Variants in UVRAG observed in about 807,000 individuals in gnomAD.
UVRAG encodes UV radiation resistance-associated gene protein.
Under a neutral mutation model 78.0 loss-of-function variants are expected in UVRAG, and 19 were observed. The observed-to-expected ratio is 0.24, with a 90% CI of 0.17 to 0.36. The LOEUF (loss-of-function observed/expected upper bound fraction) is 0.36. UVRAG is among the 10% of genes least tolerant of loss of function. The pLI is 1.00. For missense variants in UVRAG, 740 were observed against 853.8 expected, an observed-to-expected ratio of 0.87 and a Z score of 1.66; for synonymous variants, 323 against 324.6, an observed-to-expected ratio of 1.00 and a Z score of 0.05.
At chr11:75,853,265 T>TA (rs1946200374) in intron 2 of UVRAG, among the ~76,000 whole-genome samples, 1 of 152,170 alleles carries the variant, frequency 6.6e-6, no homozygotes, top group Admixed American at 6.5e-5. Context: ...CAACTTTTTT[T>TA]AATGTCAATT....
chr11:76,076,854 C>G (rs1951413622), intron 13 of UVRAG, among the ~76,000 whole-genome samples: 1 of 144,208 alleles, frequency 6.9e-6, no homozygotes, highest in South Asian at 2.2e-4. Flanking sequence ...TGACAAGACC[C>G]CATAATAAAA....
intron 3 of UVRAG, among the ~76,000 whole-genome samples, chr11:75,868,214 G>A (rs1254586201): frequency 6.6e-6 from 1 of 152,206 alleles, no homozygotes; most frequent in Admixed American, 6.5e-5. Context: ...GAGGGAACAA[G>A]CTATATAGCT....
chr11:75,878,349 C>A (rs971573079), intron 3 of UVRAG: 1 of 174,290 alleles, frequency 5.7e-6, no homozygotes. Flanking sequence ...GGATGGCGGC[C>A]GGGCAGAGAC....
chr11:75,888,342 C>G (rs538735145), intron 4 of UVRAG, among the ~76,000 whole-genome samples: 142 of 152,184 alleles, frequency 9.3e-4, no homozygotes, highest in Non-Finnish European at 1.7e-3. Flanking sequence ...AGAGGTCTTG[C>G]TATGTTGCCC....
At chr11:76,021,558 TTG>T (rs2135380766) in intron 12 of UVRAG, among the ~76,000 whole-genome samples, 1 of 152,226 alleles carries the variant, frequency 6.6e-6, no homozygotes, top group South Asian at 2.1e-4. Flanking sequence ...TCTGCTAGCT[TTG>T]TGTTTTATTT....
chr11:76,010,209 G>A (rs979548235), intron 11 of UVRAG, among the ~76,000 whole-genome samples: 6 of 152,018 alleles, frequency 3.9e-5, no homozygotes, highest in African/African-American at 4.8e-5. Flanking sequence ...CTTTTGTCCC[G>A]TACCAGTTTC....
chr11:75,989,669 C>T (rs1488689681), intron 8 of UVRAG, among the ~76,000 whole-genome samples: 1 of 152,180 alleles, frequency 6.6e-6, no homozygotes, highest in African/African-American at 2.4e-5. Context: ...TCTTTTGGTT[C>T]TTCAAAGACA....
At chr11:75,981,223 C>T (rs964665985) in intron 7 of UVRAG, among the ~76,000 whole-genome samples, 7 of 151,784 alleles carry the variant, frequency 4.6e-5, no homozygotes, top group East Asian at 3.9e-4. Context: ...GCGATTTTTC[C>T]GCCTCAGCCT....
chr11:75,842,147 C>T (rs1207220574), intron 1 of UVRAG, among the ~76,000 whole-genome samples: 1 of 152,174 alleles, frequency 6.6e-6, no homozygotes, highest in Non-Finnish European at 1.5e-5. Context: ...AGCCATGTCA[C>T]CTTTCATGAT....
At chr11:75,869,427 TTTCAG>T (rs1946601227) in intron 3 of UVRAG, among the ~76,000 whole-genome samples, 3 of 152,236 alleles carry the variant, frequency 2.0e-5, no homozygotes, top group African/African-American at 7.2e-5. Flanking sequence ...CAACTTTATG[TTTCAG>T]TTGAATTATG....
At chr11:76,021,587 T>G (rs1950247523) in intron 12 of UVRAG, among the ~76,000 whole-genome samples, 2 of 152,338 alleles carry the variant, frequency 1.3e-5, no homozygotes, top group South Asian at 4.1e-4. Flanking sequence ...TTCTCTAGTT[T>G]CTTAAAGATG....
chr11:75,828,470 G>A (rs1945567386), intron 1 of UVRAG, among the ~76,000 whole-genome samples: 1 of 147,354 alleles, frequency 6.8e-6, no homozygotes, highest in Admixed American at 6.8e-5. Flanking sequence ...AAAGACACCA[G>A]TCTGATGATG....
Position 75,894,005 on chromosome 11 carries a change from T to C in UVRAG, c.507+5102T>C, listed in dbSNP as rs1383688900. Among the ~76,000 whole-genome samples, 3 of 152,166 alleles carry C rather than the reference T, an allele frequency of 2.0e-5. No homozygotes were observed. In the East Asian group the frequency reaches 5.8e-4, roughly 29 times the overall value. On this transcript the variant is annotated intron_variant, in intron 5 of 14. Transcript: ENST00000356136. ...CTACCCACAGACCCTTTACCCATGC[T>C]GAATGATGCACATAGAAGATGATAC...
At chr11:76,021,981 G>A (rs537161466) in intron 12 of UVRAG, among the ~76,000 whole-genome samples, 1 of 152,276 alleles carries the variant, frequency 6.6e-6, no homozygotes, top group East Asian at 1.9e-4. Flanking sequence ...TTAAGCCCAG[G>A]AGGCGAAGGC....
chr11:75,901,081 G>GT (rs946791349), intron 5 of UVRAG, among the ~76,000 whole-genome samples: 1 of 152,140 alleles, frequency 6.6e-6, no homozygotes, highest in African/African-American at 2.4e-5. Flanking sequence ...TACGTACACA[G>GT]TTTTATTCGG....
intron 2 of UVRAG, among the ~76,000 whole-genome samples, chr11:75,852,833 G>A (rs1389743674): frequency 6.6e-6 from 1 of 152,156 alleles, no homozygotes; most frequent in Non-Finnish European, 1.5e-5. Context: ...AACAAAAGGT[G>A]ACATCATTTT....
chr11:76,070,588 T>G (rs1277592404), intron 13 of UVRAG, among the ~76,000 whole-genome samples: 1 of 152,214 alleles, frequency 6.6e-6, no homozygotes, highest in Non-Finnish European at 1.5e-5. Context: ...TATAAAATTT[T>G]TTTAAAGTTA....
intron 8 of UVRAG, among the ~76,000 whole-genome samples, chr11:75,989,950 T>C (rs1949574429): frequency 1.3e-5 from 2 of 152,220 alleles, no homozygotes; most frequent in South Asian, 4.1e-4. Flanking sequence ...TTAACCTTAT[T>C]TTATTTGTTG....
chr11:75,871,646 C>T (rs538707454), intron 3 of UVRAG, among the ~76,000 whole-genome samples: 12 of 152,322 alleles, frequency 7.9e-5, no homozygotes, highest in African/African-American at 2.9e-4. Flanking sequence ...TATAGTAGTT[C>T]ACTAATTCTA....
Sources: gnomAD v4.1 joint callset for allele counts (sites outside exome capture counted in the v4.1 genomes callset) on GRCh38, gnomAD v4.1.1 for gene constraint, MANE v1.5 for transcripts, NCBI Gene and HGNC (gene_info 2026-07-23, HGNC 2026-07-21) for gene names.